GLYR1: variants seen among roughly 807,000 people sequenced by gnomAD.
GLYR1 encodes glyoxylate reductase 1 homolog.
A neutral mutation model predicts 72.7 loss-of-function variants in GLYR1; 21 were observed. That is an observed-to-expected ratio of 0.29 (90% CI 0.20 to 0.42). GLYR1 has a LOEUF of 0.42. GLYR1 is among the 10% of genes least tolerant of loss of function. The pLI, the probability that GLYR1 is intolerant of heterozygous loss-of-function variation, is 1.00. For synonymous variants in GLYR1, 392 were observed against 270.2 expected, an observed-to-expected ratio of 1.45 and a Z score of -4.42; for missense variants, 594 against 712.1, an observed-to-expected ratio of 0.83 and a Z score of 1.89.
Position 4,804,970 on chromosome 16 carries a change from T to A in GLYR1, c.*266A>T, listed in dbSNP as rs1468534004. 1.5e-5 allele frequency: 8 copies of A among 526,176 alleles called. No individual in the cohort carries two copies. Among genetic ancestry groups the A allele is most frequent in the East Asian group, 6.5e-5 (2 of 30,698 alleles). 32.6% of individuals were successfully genotyped at this position (526,176 alleles called of 1,614,324 possible). On this transcript the variant is annotated 3_prime_UTR_variant, in exon 16 of 16. Transcript: ENST00000321919. ...GTGTGTGTGTGTGTGTGTGTGTGTG[T>A]GAACACACAGCCACCTCGTCCGGGG... is the stretch of plus-strand genomic sequence containing the variant.
rs766715537 is a variant in GLYR1, at chr16:4,804,963, G to GTGTGTA, written c.*272_*273insTACACA. ...TGTGTGTGTGTGTGTGTGTGTGTGT[G>GTGTGTA]TGTGTGTGAACACACAGCCACCTCG... On this transcript the variant is annotated 3_prime_UTR_variant, in exon 16 of 16. Coordinates refer to ENST00000321919, the MANE Select transcript of GLYR1 (RefSeq NM_032569.4). 3 of 534,748 alleles carry GTGTGTA rather than the reference G, an allele frequency of 5.6e-6. No individual in the cohort carries two copies. Among genetic ancestry groups the GTGTGTA allele is most frequent in the Non-Finnish European group, 1.0e-5 (3 of 294,076 alleles). 33.1% of individuals were successfully genotyped at this position (534,748 alleles called of 1,614,324 possible). A position where few individuals can be genotyped will look rare whatever the true frequency, so the allele number is the denominator to read the frequency against.
In GLYR1 at chr16:4,817,745, C is replaced by G. The variant is rs373656119; in HGVS notation, c.807-48G>C. On this transcript the variant is annotated intron_variant, in intron 9 of 15. Transcript: ENST00000321919. ...AGTTCAGGGTGGAAAGGGAGGGTCA[C>G]GGTGATGATGATTCCATGCAGCACA... 6 of 1,141,196 alleles carry G rather than the reference C, an allele frequency of 5.3e-6. No individual in the cohort carries two copies. The African/African-American group carries it at 9.1e-5, about 17-fold the overall frequency. 70.7% of individuals were successfully genotyped at this position (1,141,196 alleles called of 1,614,324 possible).
chr16:4,844,376 A>C (rs1439580423), intron 3 of GLYR1, among the ~76,000 whole-genome samples: 1 of 152,248 alleles, frequency 6.6e-6, no homozygotes, highest in African/African-American at 2.4e-5. Flanking sequence ...ACATGATTGA[A>C]CAATTACTTT....
chr16:4,806,903 T>G (rs2083016657), intron 15 of GLYR1, among the ~76,000 whole-genome samples: 2 of 144,746 alleles, frequency 1.4e-5, no homozygotes, highest in Non-Finnish European at 3.0e-5. Context: ...GCCTCCCGGG[T>G]TCACGCCATT....
At chr16:4,813,686 T>G in intron 12 of GLYR1, 51 bp downstream of exon 12, 1 of 1,471,942 alleles carries the variant, frequency 6.8e-7, no homozygotes, top group Non-Finnish European at 9.3e-7. Context: ...GCCTGGGTCT[T>G]GGGCTCTGAT....
At chr16:4,842,496 T>TG (rs2085638907) in intron 3 of GLYR1, among the ~76,000 whole-genome samples, 1 of 152,022 alleles carries the variant, frequency 6.6e-6, no homozygotes, top group African/African-American at 2.4e-5. Context: ...ACTACACTTG[T>TG]GTGCCACCAT....
chr16:4,832,205 G>T lies in GLYR1; in HGVS notation c.311C>A (p.Ser104Tyr). The change falls in exon 5 of 16, where the codon TCT becomes TAT. Residue 104 changes from serine (S) to tyrosine (Y), a missense_variant. Ser to Tyr is a moderately radical substitution (Grantham distance 144). Around this residue, in one of 5 missense-constraint regions of GLYR1, gnomAD observed 252 missense variants for 211.3 expected, o/e 1.19. Coordinates refer to ENST00000321919, the MANE Select transcript of GLYR1 (RefSeq NM_032569.4). ...ATTACGTCGATTCTTGTCATCAGAA[G>T]AATTGTGGGATGACGTCTGAAAGTT... is the stretch of plus-strand genomic sequence containing the variant. Reference protein sequence around the residue: ...KGKDQTSSHNSSDDKNRRNSS... With the variant: ...KGKDQTSSHNYSDDKNRRNSS... 1.2e-6 allele frequency: 2 copies of T among 1,614,010 alleles called. No homozygotes were observed. The highest frequency in any genetic ancestry group is 2.2e-5 in the South Asian group (2 of 91,054).
chr16:4,821,331 C>A (rs371809132), intron 9 of GLYR1, 49 bp downstream of exon 9: 20 of 1,596,038 alleles, frequency 1.3e-5, no homozygotes, highest in East Asian at 2.2e-5. Flanking sequence ...CTTCTCCCCA[C>A]CCTCAGCAGA....
Position 4,816,652 on chromosome 16 carries a change from A to T in GLYR1, c.906+946T>A, listed in dbSNP as rs1393587638. Among the ~76,000 whole-genome samples, 9 of 152,044 alleles carry T rather than the reference A, an allele frequency of 5.9e-5. No individual in the cohort carries two copies. In the East Asian group the frequency reaches 1.7e-3, roughly 29 times the overall value. On this transcript the variant is annotated intron_variant, in intron 10 of 15. Coordinates refer to ENST00000321919, the MANE Select transcript of GLYR1 (RefSeq NM_032569.4). Reference sequence around the variant, plus strand: ...TTTTATTAGTTCTAGATTTACAAAGATCTATGTTAGTATTTATTTTCTTCT... The same window carrying T: ...TTTTATTAGTTCTAGATTTACAAAGTTCTATGTTAGTATTTATTTTCTTCT...
intron 12 of GLYR1, among the ~76,000 whole-genome samples, chr16:4,812,766 C>G (rs2083394322): frequency 6.6e-6 from 1 of 151,786 alleles, no homozygotes; most frequent in East Asian, 1.9e-4. Flanking sequence ...GCTTGGATTA[C>G]AGGAGTGAGC....
chr16:4,820,116 G>A (rs182409693), intron 9 of GLYR1, among the ~76,000 whole-genome samples: 1 of 152,204 alleles, frequency 6.6e-6, no homozygotes, highest in East Asian at 1.9e-4. Flanking sequence ...TCCCACCTCA[G>A]CCTCCCAAGT....
chr16:4,825,826 G>A (rs2084347777), intron 5 of GLYR1, among the ~76,000 whole-genome samples: 1 of 151,176 alleles, frequency 6.6e-6, no homozygotes, highest in Admixed American at 6.6e-5. Context: ...CTAATTTTTT[G>A]TATTTTTAGT....
In GLYR1 at chr16:4,824,963, C is replaced by G. The variant is rs532486060; in HGVS notation, c.538-1056G>C. 1.1e-3 allele frequency among the ~76,000 whole-genome samples: 165 copies of G among 152,276 alleles called. 7 individuals are homozygous for G. The South Asian group carries it at 0.033, about 30-fold the overall frequency. On this transcript the variant is annotated intron_variant, in intron 5 of 15. Coordinates refer to ENST00000321919, the MANE Select transcript of GLYR1 (RefSeq NM_032569.4). ...ATCTTTAGAGCCCTTCTTGACCCCT[C>G]TCTTCTCTAATCCACTGACAATGAA...
Position 4,811,632 on chromosome 16 carries a change from T to A in GLYR1, c.1453A>T (p.Lys485Ter). Residue 485 changes from lysine (K) to a stop codon, truncating the protein, a stop_gained, in exon 14 of 16, where the codon AAG (lysine) becomes TAG (stop). Transcript: ENST00000321919. LOFTEE classifies it high-confidence loss of function. ...GQLASIFLDQ[K>*]CQNILQGNFK... ...GCCAAAAACAACTCACTTTGGCACTTCTGGTCCAGGAAGATGCTGGCCAAC... is the reference window on the plus strand; with the variant it reads ...GCCAAAAACAACTCACTTTGGCACTACTGGTCCAGGAAGATGCTGGCCAAC... 1 of 1,613,948 alleles carries A rather than the reference T, an allele frequency of 6.2e-7. No individual in the cohort carries two copies. Among genetic ancestry groups the A allele is most frequent in the Non-Finnish European group, 8.5e-7 (1 of 1,180,046 alleles).
intron 15 of GLYR1, among the ~76,000 whole-genome samples, chr16:4,806,353 A>C (rs566249416): frequency 2.0e-5 from 3 of 151,980 alleles, no homozygotes; most frequent in African/African-American, 7.2e-5. Flanking sequence ...GTACAAGATT[A>C]ACTGTCTTTT....
chr16:4,818,093 C>G (rs940063435), intron 9 of GLYR1, among the ~76,000 whole-genome samples: 1 of 151,470 alleles, frequency 6.6e-6, no homozygotes, highest in Admixed American at 6.6e-5. Context: ...ATCCTGGGTT[C>G]AAGCGATTCT....
intron 15 of GLYR1, among the ~76,000 whole-genome samples, chr16:4,807,092 C>G (rs1596297128): frequency 6.8e-6 from 1 of 147,090 alleles, no homozygotes; most frequent in East Asian, 2.0e-4. Context: ...AGGCGTGAGC[C>G]ACTGCGCCTG....
intron 15 of GLYR1, among the ~76,000 whole-genome samples, chr16:4,806,700 T>C (rs1269939689): frequency 6.6e-6 from 1 of 151,776 alleles, no homozygotes; most frequent in East Asian, 1.9e-4. Context: ...CAAGATTAAC[T>C]CTATCTTAAG....
In GLYR1 at chr16:4,814,563, C is replaced by A. The variant is rs200221747; in HGVS notation, c.991G>T (p.Val331Leu). ...TCCTTGGCCGCCTTGGGATCCGACA[C>A]GCAGGCGAAAGTGATGTCGCAGGTT... ...VSTCDITFAC[V>L]SDPKAAKDLV... The change falls in exon 11 of 16, where the codon GTG becomes TTG. Residue 331 changes from valine (V) to leucine (L), a missense_variant. Physicochemically the swap from Val to Leu is conservative, Grantham distance 32. This residue lies in a region of GLYR1 where 266 missense variants were observed against 358.4 expected (regional missense o/e 0.74). Transcript: ENST00000321919. The A allele has an allele frequency of 8.1e-6, 13 of 1,613,762 alleles. No individual in the cohort carries two copies. The highest frequency in any genetic ancestry group is 1.0e-5 in the Non-Finnish European group (12 of 1,180,030).
Sources: gnomAD v4.1 joint callset for allele counts (sites outside exome capture counted in the v4.1 genomes callset) on GRCh38, gnomAD v4.1.1 for gene constraint, gnomAD v4.1.1 regional missense constraint, MANE v1.5 for transcripts, NCBI Gene and HGNC (gene_info 2026-07-23, HGNC 2026-07-21) for gene names.